The following STARD10 variants were observed in gnomAD, a reference collection of about 807,000 sequenced individuals.
STARD10 encodes the protein StAR related lipid transfer domain containing 10.
In STARD10, 24 loss-of-function variants were observed where a neutral mutation model predicts 36.0. The observed-to-expected ratio is 0.67, with a 90% confidence interval of 0.48 to 0.94. The LOEUF is 0.94. Among genes scored for constraint, STARD10 ranks in the 40% least tolerant of loss-of-function variants. STARD10 has a pLI of 0.00. For missense variants in STARD10, 335 were observed against 396.6 expected, an observed-to-expected ratio of 0.84 and a Z score of 1.32; for synonymous variants, 156 against 161.9, an observed-to-expected ratio of 0.96 and a Z score of 0.28.
In STARD10 at chr11:72,755,081, G is replaced by C. The variant is rs1350949138; in HGVS notation, c.692C>G (p.Pro231Arg). 6.2e-7 allele frequency: 1 copy of C among 1,613,470 alleles called. No individual in the cohort carries two copies. Among genetic ancestry groups the C allele is most frequent in the South Asian group, 1.1e-5 (1 of 90,880 alleles). Residue 231 changes from proline (P) to arginine (R), a missense_variant, in exon 7 of 7, where the codon CCT (proline) becomes CGT (arginine). Coordinates refer to ENST00000334805, the MANE Select transcript of STARD10 (RefSeq NM_006645.3). ...KYPEWKQKHL[P>R]HFKPWLHPEQ... ...CGGGTGCAGCCACGGCTTGAAGTGAGGCAGGTGCTTCTGTTTCCACTCGGG... is the reference window on the plus strand; with the variant it reads ...CGGGTGCAGCCACGGCTTGAAGTGACGCAGGTGCTTCTGTTTCCACTCGGG...
chr11:72,757,652 C>T (rs1290607975), intron 5 of STARD10, 115 bp downstream of exon 5: 3 of 927,786 alleles, frequency 3.2e-6, no homozygotes, highest in Non-Finnish European at 5.0e-6. Context: ...ATGGAAATGC[C>T]CCAAAATGCA....
At chr11:72,764,473 G>C (rs1858760321) in intron 2 of STARD10, among the ~76,000 whole-genome samples, 1 of 152,262 alleles carries the variant, frequency 6.6e-6, no homozygotes, top group South Asian at 2.1e-4. Flanking sequence ...TGCCCAGAGA[G>C]TAAGAACCTT....
chr11:72,755,192 T>C (rs971801283), intron 6 of STARD10, 50 bp from the exon 7 acceptor site: 5 of 1,555,080 alleles, frequency 3.2e-6, no homozygotes, highest in African/African-American at 2.7e-5. Flanking sequence ...GGGGCAGGTC[T>C]TCTCCACACC....
intron 2 of STARD10, among the ~76,000 whole-genome samples, chr11:72,778,877 C>A (rs945353736): frequency 6.6e-5 from 10 of 152,184 alleles, no homozygotes; most frequent in African/African-American, 2.4e-4. Flanking sequence ...AGGGTCCTGG[C>A]TGCCCAGGGT....
At chr11:72,783,863 G>C (rs1050849079) in intron 1 of STARD10, among the ~76,000 whole-genome samples, 5 of 152,120 alleles carry the variant, frequency 3.3e-5, no homozygotes, top group Admixed American at 2.0e-4. Flanking sequence ...CTGCCAGAGA[G>C]ATAAAAACTC....
In STARD10 at chr11:72,781,376, G is replaced by A. The variant is rs1858995469; in HGVS notation, c.-113-82C>T. ...TCGGGGTCCTGGCGGGTGGGGAGCT[G>A]GAGAGAGGTAGGGGCTGGCCCCAGG... is the stretch of plus-strand genomic sequence containing the variant. On this transcript the variant is annotated intron_variant, in intron 1 of 6. Transcript: ENST00000334805. The surrounding 1 kb of genome is among the most constrained non-coding windows in gnomAD (Gnocchi z 4.7). The A allele has an allele frequency of 6.7e-6, 4 of 596,886 alleles. No homozygotes were observed. The highest frequency in any genetic ancestry group is 2.9e-5 in the Admixed American group (1 of 33,978). The allele number at this position is 596,886 out of a possible 1,614,324, so 37.0% of individuals were successfully genotyped here. A position where few individuals can be genotyped will look rare whatever the true frequency, so the allele number is the denominator to read the frequency against.
intron 2 of STARD10, among the ~76,000 whole-genome samples, chr11:72,766,607 C>T (rs1858794786): frequency 6.6e-6 from 1 of 152,002 alleles, no homozygotes; most frequent in African/African-American, 2.4e-5. Flanking sequence ...TCTCACTCTA[C>T]CCCCCACCTC....
intron 2 of STARD10, among the ~76,000 whole-genome samples, chr11:72,766,538 G>A (rs1858793162): frequency 6.6e-6 from 1 of 152,220 alleles, no homozygotes; most frequent in South Asian, 2.1e-4. Context: ...GACGAGTGGT[G>A]CAAAGGCCTG....
At chr11:72,757,093 C>T (rs1417728793) in intron 5 of STARD10, among the ~76,000 whole-genome samples, 2 of 147,422 alleles carry the variant, frequency 1.4e-5, no homozygotes, top group Non-Finnish European at 3.0e-5. Context: ...TGCAGTGAGC[C>T]GAGATTGCAC....
At chr11:72,760,513 G>A (rs1236504707) in intron 2 of STARD10, among the ~76,000 whole-genome samples, 7 of 152,116 alleles carry the variant, frequency 4.6e-5, no homozygotes, top group African/African-American at 1.2e-4. Context: ...GGCATAAGCC[G>A]CCGCGCCCAG....
chr11:72,781,143 AG>A lies in STARD10; in HGVS notation c.38del (p.Pro13LeufsTer33). 6.2e-7 allele frequency: 1 copy of A among 1,612,980 alleles called. No individual in the cohort carries two copies. On this transcript the variant is annotated frameshift_variant, in exon 2 of 7. Coordinates refer to ENST00000334805, the MANE Select transcript of STARD10 (RefSeq NM_006645.3). LOFTEE classifies it high-confidence loss of function. This position sits in a 1 kb window ranked among gnomAD's most constrained non-coding sequence, Gnocchi z 4.7. ...CACTCTCACGGCCCAGGACCGGCCG[AG>A]GCCCTTGGGGCTCTGTAGAGGCCGC... Reference protein sequence around the residue: ...KLAASTEPQGPRPVLGRESVQ... With the variant: ...KLAASTEPQGXRPVLGRESVQ...
intron 2 of STARD10, among the ~76,000 whole-genome samples, chr11:72,773,631 G>C (rs908923991): frequency 6.6e-6 from 1 of 152,190 alleles, no homozygotes; most frequent in Non-Finnish European, 1.5e-5. Flanking sequence ...AGGAAGGGGG[G>C]AGATGGGAAA....
chr11:72,771,666 C>T (rs965026164), intron 2 of STARD10, among the ~76,000 whole-genome samples: 3 of 152,114 alleles, frequency 2.0e-5, no homozygotes, highest in African/African-American at 7.2e-5. Context: ...CCTTCCCTCC[C>T]TGGTCCCCAG....
chr11:72,758,029 G>C, intron 4 of STARD10, 145 bp from the exon 5 acceptor site: 1 of 778,572 alleles, frequency 1.3e-6, no homozygotes, highest in Non-Finnish European at 2.2e-6. Flanking sequence ...CCTGATTCTG[G>C]GTGCAGAGAA....
At chr11:72,772,383 G>T (rs1565242044) in intron 2 of STARD10, among the ~76,000 whole-genome samples, 1 of 152,202 alleles carries the variant, frequency 6.6e-6, no homozygotes, top group Admixed American at 6.5e-5. Flanking sequence ...TAGGGGGCAT[G>T]GTTCTCCCTG....
chr11:72,770,137 G>T (rs898216619), intron 2 of STARD10, among the ~76,000 whole-genome samples: 12 of 152,182 alleles, frequency 7.9e-5, no homozygotes, highest in African/African-American at 2.9e-4. Flanking sequence ...GGCTCCGGAT[G>T]ATTTATCTTT....
chr11:72,779,496 G>A (rs1361153218), intron 2 of STARD10, among the ~76,000 whole-genome samples: 2 of 152,138 alleles, frequency 1.3e-5, no homozygotes, highest in African/African-American at 4.8e-5. Flanking sequence ...TGGGAGGCAG[G>A]AGAATCACTT....
intron 2 of STARD10, among the ~76,000 whole-genome samples, chr11:72,763,532 T>A (rs989786464): frequency 7.9e-5 from 12 of 152,078 alleles, no homozygotes; most frequent in African/African-American, 2.9e-4. Context: ...CACAGAGACA[T>A]AACATAAATA....
chr11:72,784,882 G>C (rs1859052160), intron 1 of STARD10, among the ~76,000 whole-genome samples: 1 of 152,220 alleles, frequency 6.6e-6, no homozygotes, highest in African/African-American at 2.4e-5. Context: ...TCATTACACA[G>C]GGCACTGGGC....
Sources: gnomAD v4.1 joint callset for allele counts (sites outside exome capture counted in the v4.1 genomes callset) on GRCh38, gnomAD v4.1.1 for gene constraint, Gnocchi (gnomAD v3.1) non-coding constraint, MANE v1.5 for transcripts, NCBI Gene and HGNC (gene_info 2026-07-23, HGNC 2026-07-21) for gene names.